Variants in KIAA1328 observed in about 807,000 individuals in gnomAD.
KIAA1328 encodes protein hinderin.
A neutral mutation model predicts 68.1 loss-of-function variants in KIAA1328; 52 were observed. The observed-to-expected ratio is 0.76, with a 90% CI of 0.61 to 0.96. The LOEUF is 0.96. Among genes scored for constraint, KIAA1328 ranks in the 40% least tolerant of loss-of-function variants. The pLI, the probability that KIAA1328 is intolerant of heterozygous loss-of-function variation, is 0.00. For synonymous variants in KIAA1328, 232 were observed against 239.4 expected (o/e 0.97, Z 0.28); for missense variants, 641 against 677.6 (o/e 0.95, Z 0.60).
chr18:37,058,044 G>A (rs1421497984), intron 6 of KIAA1328, among the ~76,000 whole-genome samples: 1 of 152,162 alleles, frequency 6.6e-6, no homozygotes, highest in Non-Finnish European at 1.5e-5. Flanking sequence ...TGTTGCAGGG[G>A]TGCAACAGAC....
At chr18:37,008,881 GA>G (rs1161415531) in intron 6 of KIAA1328, among the ~76,000 whole-genome samples, 1 of 151,550 alleles carries the variant, frequency 6.6e-6, no homozygotes, top group East Asian at 1.9e-4. Context: ...AAAAAGAGAG[GA>G]AAAAAAAGTT....
chr18:37,127,191 C>G (rs1261338525), intron 7 of KIAA1328, among the ~76,000 whole-genome samples: 1 of 152,186 alleles, frequency 6.6e-6, no homozygotes, highest in African/African-American at 2.4e-5. Flanking sequence ...GTTACTAGAA[C>G]TACTAAGTGA....
intron 5 of KIAA1328, among the ~76,000 whole-genome samples, chr18:36,951,813 A>G (rs1234159430): frequency 2.0e-5 from 3 of 151,880 alleles, no homozygotes; most frequent in Admixed American, 6.6e-5. Context: ...CCTTATCCCT[A>G]TTTTCTACCA....
intron 8 of KIAA1328, among the ~76,000 whole-genome samples, chr18:37,171,443 G>A (rs2059497364): frequency 6.6e-6 from 1 of 152,008 alleles, no homozygotes; most frequent in African/African-American, 2.4e-5. Context: ...TTCAACTCCT[G>A]GCCTGATCCT....
chr18:36,923,297 A>G (rs554361687), intron 5 of KIAA1328, among the ~76,000 whole-genome samples: 1 of 152,294 alleles, frequency 6.6e-6, no homozygotes, highest in Admixed American at 6.5e-5. Context: ...TTACAGGATT[A>G]TAATAAGGAT....
chr18:37,170,211 G>T (rs997498278), intron 8 of KIAA1328, among the ~76,000 whole-genome samples: 1 of 151,882 alleles, frequency 6.6e-6, no homozygotes, highest in Non-Finnish European at 1.5e-5. Flanking sequence ...TTTAATCATT[G>T]TTGTTACTGT....
intron 6 of KIAA1328, among the ~76,000 whole-genome samples, chr18:37,062,638 G>A (rs1304612315): frequency 1.3e-5 from 2 of 151,960 alleles, no homozygotes; most frequent in African/African-American, 4.8e-5. Flanking sequence ...TATATTTGTA[G>A]TAGAGACAGG....
At chr18:37,050,917 G>C (rs2055666429) in intron 6 of KIAA1328, among the ~76,000 whole-genome samples, 1 of 151,934 alleles carries the variant, frequency 6.6e-6, no homozygotes, top group Non-Finnish European at 1.5e-5. Flanking sequence ...ACTTAATCCT[G>C]GTGTTTTTCA....
chr18:37,131,662 A>G (rs1458764935), intron 7 of KIAA1328, among the ~76,000 whole-genome samples: 1 of 152,222 alleles, frequency 6.6e-6, no homozygotes, highest in Non-Finnish European at 1.5e-5. Flanking sequence ...TTCAAATTGC[A>G]GAATTTTAAA....
chr18:36,968,964 A>G (rs2052058416), intron 6 of KIAA1328, among the ~76,000 whole-genome samples: 2 of 152,228 alleles, frequency 1.3e-5, no homozygotes, highest in East Asian at 1.9e-4. Context: ...CAATAAAAAT[A>G]GAATTCAAGA....
chr18:37,223,064 C>T lies in KIAA1328; in HGVS notation c.*837C>T, dbSNP rs1326911534. On this transcript the variant is annotated 3_prime_UTR_variant, in exon 10 of 10. Coordinates refer to ENST00000280020, the MANE Select transcript of KIAA1328 (RefSeq NM_020776.3). ...GCTTATTCACCCCACCCCCCCACCC[C>T]CCATCACACGTGCTCCTGTGAACTT... The T allele has an allele frequency of 5.2e-6, 4 of 770,276 alleles. No homozygotes were observed. Among genetic ancestry groups the T allele is most frequent in the Middle Eastern group, 6.5e-4 (1 of 1,540 alleles). The allele number at this position is 770,276 out of a possible 1,614,324, so 47.7% of individuals were successfully genotyped here. A position where few individuals can be genotyped will look rare whatever the true frequency, so the allele number is the denominator to read the frequency against.
intron 5 of KIAA1328, among the ~76,000 whole-genome samples, chr18:36,930,669 G>T (rs2050278408): frequency 6.6e-6 from 1 of 152,114 alleles, no homozygotes; most frequent in South Asian, 2.1e-4. Flanking sequence ...TTGTAATAAG[G>T]TTAGCTGTGC....
At chr18:37,143,491 C>T (rs1323468994) in intron 7 of KIAA1328, among the ~76,000 whole-genome samples, 1 of 146,036 alleles carries the variant, frequency 6.8e-6, no homozygotes, top group Admixed American at 6.8e-5. Context: ...TTTATTGATG[C>T]CTTTCCAAGC....
At chr18:37,138,017 A>G (rs537121029) in intron 7 of KIAA1328, among the ~76,000 whole-genome samples, 1 of 152,108 alleles carries the variant, frequency 6.6e-6, no homozygotes, top group Non-Finnish European at 1.5e-5. Context: ...TATAACATCT[A>G]TCTCTTCAGC....
chr18:37,218,946 G>GT lies in KIAA1328; in HGVS notation c.1524-3067dup, dbSNP rs571620119. ...GCTCTGGTTTCTCCCCATCTTTGTGGTTTTATCTACCTTTGATCTCTGATG... is the reference window on the plus strand; with the variant it reads ...GCTCTGGTTTCTCCCCATCTTTGTGGTTTTTATCTACCTTTGATCTCTGATG... On this transcript the variant is annotated intron_variant, in intron 9 of 9. Coordinates refer to ENST00000280020, the MANE Select transcript of KIAA1328 (RefSeq NM_020776.3). Among the ~76,000 whole-genome samples, 59 of 152,320 alleles carry GT rather than the reference G, an allele frequency of 3.9e-4. 1 individual carries two copies. In the East Asian group the frequency reaches 0.011, roughly 29 times the overall value.
chr18:37,064,408 A>T (rs2056268647), intron 6 of KIAA1328, among the ~76,000 whole-genome samples: 2 of 151,852 alleles, frequency 1.3e-5, no homozygotes, highest in Admixed American at 6.6e-5. Context: ...AATTGGTGGG[A>T]TTTTTCTCCC....
chr18:37,163,565 T>A (rs993621621), intron 8 of KIAA1328, among the ~76,000 whole-genome samples: 1 of 152,190 alleles, frequency 6.6e-6, no homozygotes, highest in Non-Finnish European at 1.5e-5. Context: ...TATTTTTTTT[T>A]ACTGGAAGAT....
intron 5 of KIAA1328, among the ~76,000 whole-genome samples, chr18:36,941,073 G>C (rs182594685): frequency 6.6e-6 from 1 of 152,084 alleles, no homozygotes; most frequent in African/African-American, 2.4e-5. Flanking sequence ...TCAGTTGGAC[G>C]TTTACTCACC....
chr18:37,114,738 G>A (rs569685734), intron 7 of KIAA1328, among the ~76,000 whole-genome samples: 1 of 152,014 alleles, frequency 6.6e-6, no homozygotes, highest in Admixed American at 6.6e-5. Context: ...TTTTTGAAAA[G>A]ATCAACAAAA....
Sources: gnomAD v4.1 joint callset for allele counts (sites outside exome capture counted in the v4.1 genomes callset) on GRCh38, gnomAD v4.1.1 for gene constraint, MANE v1.5 for transcripts, NCBI Gene and HGNC (gene_info 2026-07-23, HGNC 2026-07-21) for gene names.